MOB3A: variants seen among roughly 807,000 people sequenced by gnomAD.
MOB3A encodes the protein MOB LAK.
A neutral mutation model predicts 17.8 loss-of-function variants in MOB3A; 17 were observed. That is an observed-to-expected ratio of 0.95 (90% confidence interval 0.65 to 1.43). The LOEUF (loss-of-function observed/expected upper bound fraction) is 1.43. Among genes scored for constraint, MOB3A ranks in the 40% most tolerant of loss-of-function variants. The probability of loss-of-function intolerance (pLI) is 0.00; values close to 1 mark genes in which losing one functional copy is unlikely to be tolerated. For synonymous variants in MOB3A, 124 were observed against 133.2 expected (o/e 0.93, Z 0.48); for missense variants, 333 against 310.8 (o/e 1.07, Z -0.54).
At chr19:2,074,381 AAAAAGAAAAAGAAAAAAG>A (rs1476912647) in intron 4 of MOB3A, among the ~76,000 whole-genome samples, 2 of 152,038 alleles carry the variant, frequency 1.3e-5, no homozygotes, top group African/African-American at 2.4e-5. Flanking sequence ...GAATACAGAA[AAAAAGAAAAAGAAAAAAG>A]AAAAGAAAAA....
In MOB3A at chr19:2,072,647, T is replaced by C. The variant is rs4404194; in HGVS notation, c.*748A>G. 0.48 allele frequency: 72,253 copies of C among 151,246 alleles called. 18,029 individuals carry two copies. Among genetic ancestry groups the C allele is most frequent in the African/African-American group, 0.63 (25,993 of 41,194 alleles). 9.4% of individuals were successfully genotyped at this position (151,246 alleles called of 1,614,324 possible). Reference sequence around the variant, plus strand: ...GCATTGAGGAAGAGAGAGGGCTGGGTGCGGTGGCTCACCCCTGTGATTCCA... The same window carrying C: ...GCATTGAGGAAGAGAGAGGGCTGGGCGCGGTGGCTCACCCCTGTGATTCCA... On this transcript the variant is annotated 3_prime_UTR_variant, in exon 5 of 5. Transcript: ENST00000357066.
rs200815914 is a variant in MOB3A at position 2,078,478 on chromosome 19, C to G, written c.83G>C (p.Arg28Pro). 1 of 1,610,408 alleles carries G rather than the reference C, an allele frequency of 6.2e-7. No individual in the cohort carries two copies. The highest frequency in any genetic ancestry group is 1.3e-5 in the African/African-American group (1 of 74,958). The change falls in exon 3 of 5, where the codon CGC becomes CCC. Residue 28 changes from arginine to proline, a missense_variant. Arg to Pro is a moderately radical substitution (Grantham distance 103, BLOSUM62 -2). Transcript: ENST00000357066. ...PKRKFEPGTQ[R>P]FELHKKAQAS... Reference sequence around the variant, plus strand: ...CTGCGCCTTCTTGTGCAGCTCGAAGCGCTGGGTGCCTGGCTCAAACTTGCG... The same window carrying G: ...CTGCGCCTTCTTGTGCAGCTCGAAGGGCTGGGTGCCTGGCTCAAACTTGCG...
intron 1 of MOB3A, among the ~76,000 whole-genome samples, chr19:2,086,485 G>A (rs1367188667): frequency 6.6e-6 from 1 of 151,444 alleles, no homozygotes; most frequent in South Asian, 2.1e-4. Flanking sequence ...TCAGCCTCCT[G>A]TATAGCTGGG....
chr19:2,074,271 C>A (rs572766651), intron 4 of MOB3A, among the ~76,000 whole-genome samples: 13 of 152,078 alleles, frequency 8.5e-5, no homozygotes, highest in Admixed American at 2.0e-4. Context: ...AACAAAAAAA[C>A]CCCAGAAACT....
rs373788886 is a variant in MOB3A at position 2,078,113 on chromosome 19, C to G, written c.421+27G>C. 1.9e-5 allele frequency: 29 copies of G among 1,536,670 alleles called. No individual in the cohort carries two copies. The African/African-American group carries it at 3.4e-4, about 18-fold the overall frequency. ...TGACTTTTCTGGAAGGCTCTGTATC[C>G]CCGAGCCCCTGCCAGCTCTGACTCA... On this transcript the variant is annotated intron_variant, in intron 3 of 4. Transcript: ENST00000357066.
At chr19:2,081,309 C>T (rs774855783) in intron 2 of MOB3A, among the ~76,000 whole-genome samples, 112 of 152,274 alleles carry the variant, frequency 7.4e-4, no homozygotes, top group Admixed American at 1.4e-3. Flanking sequence ...AGTTAGAGGC[C>T]GGGCGTGGTG....
chr19:2,085,805 A>G (rs751636759), intron 1 of MOB3A, among the ~76,000 whole-genome samples: 1 of 150,662 alleles, frequency 6.6e-6, no homozygotes, highest in Non-Finnish European at 1.5e-5. Context: ...TCTACTAAAA[A>G]TACAAAAAAA....
At chr19:2,077,070 C>T (rs2017420896) in intron 3 of MOB3A, 57 bp from the exon 4 acceptor site, 2 of 1,487,552 alleles carry the variant, frequency 1.3e-6, no homozygotes, top group East Asian at 2.4e-5. Flanking sequence ...TGTCCAGAAC[C>T]CTTTGCTCCT....
intron 1 of MOB3A, among the ~76,000 whole-genome samples, chr19:2,091,346 G>GTTT (rs1043557733): frequency 6.6e-6 from 1 of 152,120 alleles, no homozygotes; most frequent in Non-Finnish European, 1.5e-5. Context: ...TATCCGATAA[G>GTTT]TGCAAAAAAT....
Position 2,082,806 on chromosome 19 carries a change from C to G in MOB3A, c.-120+2369G>C, listed in dbSNP as rs1302921606. 6.6e-6 allele frequency among the ~76,000 whole-genome samples: 1 copy of G among 152,088 alleles called. No individual in the cohort carries two copies. Among genetic ancestry groups the G allele is most frequent in the African/African-American group, 2.4e-5 (1 of 41,410 alleles). ...CCCCAGGGTCACCACACAGGTCCCCCCGCTTGCTTCTCTTCCATTTTTAGA... is the reference window on the plus strand; with the variant it reads ...CCCCAGGGTCACCACACAGGTCCCCGCGCTTGCTTCTCTTCCATTTTTAGA... On this transcript the variant is annotated intron_variant, in intron 2 of 4. Transcript: ENST00000357066. This position sits in a 1 kb window ranked among gnomAD's most constrained non-coding sequence, Gnocchi z 4.1.
At position 2,093,561 on chromosome 19, in the gene MOB3A, G is replaced by A. The variant is rs1310884389; in HGVS notation, c.-274+2665C>T. Among the ~76,000 whole-genome samples the A allele has an allele frequency of 6.6e-6, 1 of 152,162 alleles. No individual in the cohort carries two copies. The highest frequency in any genetic ancestry group is 1.5e-5 in the Non-Finnish European group (1 of 68,042). On this transcript the variant is annotated intron_variant, in intron 1 of 4. Transcript: ENST00000357066. The surrounding 1 kb of genome is among the most constrained non-coding windows in gnomAD (Gnocchi z 4.6). ...GGGGTTTTGCCATGTTGGCCAGGCT[G>A]GTCTTGAATGCCTGACCTCAGGTGA...
chr19:2,084,065 C>G (rs762714179), intron 2 of MOB3A: 15 of 448,670 alleles, frequency 3.3e-5, no homozygotes. Flanking sequence ...AGCCACCGTG[C>G]CTGGCTGAGG....
chr19:2,095,758 T>C (rs2017679247), intron 1 of MOB3A, among the ~76,000 whole-genome samples: 1 of 133,520 alleles, frequency 7.5e-6, no homozygotes, highest in Non-Finnish European at 1.6e-5. Flanking sequence ...TCTTTTGTTC[T>C]TTTTTTTTTT....
At chr19:2,087,313 C>T (rs992175413) in intron 1 of MOB3A, among the ~76,000 whole-genome samples, 3 of 152,216 alleles carry the variant, frequency 2.0e-5, no homozygotes, top group South Asian at 2.1e-4. Context: ...TTTGGCGTTG[C>T]GCAAACACCA....
In MOB3A at chr19:2,078,345, G is replaced by A. The variant is rs1270137573; in HGVS notation, c.216C>T (p.Val72=). 4 of 1,612,338 alleles carry A rather than the reference G, an allele frequency of 2.5e-6. No individual in the cohort carries two copies. The highest frequency in any genetic ancestry group is 2.2e-5 in the East Asian group (1 of 44,898). ...CGCTGATGGTGCCGTAGATGAGGTT[G>A]ACGCGGTTAAAGAAGTCCACCACGT... The part of the protein sequence containing the change: ...AVHVVDFFNR[V]NLIYGTISDG... Residue 72 remains valine (V), a synonymous_variant, in exon 3 of 5, where the codon GTC becomes GTT. Transcript: ENST00000357066.
At chr19:2,078,011 C>G in intron 3 of MOB3A, 129 bp downstream of exon 3, 1 of 1,000,646 alleles carries the variant, frequency 1.0e-6, no homozygotes, top group Non-Finnish European at 1.4e-6. Flanking sequence ...GCTCAAACTC[C>G]TGGGCTCAAG....
intron 2 of MOB3A, chr19:2,084,259 G>A (rs541125372): frequency 3.0e-5 from 13 of 436,878 alleles, no homozygotes; most frequent in East Asian, 1.6e-4. Flanking sequence ...TTGGGAGGCC[G>A]AGGTGGGTGG....
intron 1 of MOB3A, among the ~76,000 whole-genome samples, chr19:2,094,040 TC>T (rs373254143): frequency 2.0e-5 from 3 of 147,752 alleles, no homozygotes; most frequent in South Asian, 2.1e-4. Flanking sequence ...CTATGTAAGT[TC>T]TTTTTTTTTT....
chr19:2,089,054 C>T (rs967112402), intron 1 of MOB3A, among the ~76,000 whole-genome samples: 2 of 152,216 alleles, frequency 1.3e-5, no homozygotes, highest in African/African-American at 2.4e-5. Context: ...CACTCATAAA[C>T]TAACCCTACA....
Sources: allele counts gnomAD v4.1 joint callset (sites outside exome capture counted in the v4.1 genomes callset), GRCh38; gene constraint gnomAD v4.1.1; non-coding constraint Gnocchi (gnomAD v3.1); transcripts MANE v1.5; gene names NCBI Gene and HGNC (gene_info 2026-07-23, HGNC 2026-07-21).